Variants in TYR observed in about 807,000 individuals in gnomAD.
The protein encoded by TYR is LB24-AB.
A neutral mutation model predicts 51.5 loss-of-function variants in TYR; 58 were observed. The ratio of observed to expected loss-of-function variants is 1.13; its 90% CI spans 0.91 to 1.40. The LOEUF (loss-of-function observed/expected upper bound fraction) is 1.40, where lower values mean the gene tolerates loss of function less well. TYR is among the 40% of genes most tolerant of loss of function. The probability of loss-of-function intolerance (pLI) is 0.00; values close to 1 mark genes in which losing one functional copy is unlikely to be tolerated. For synonymous variants in TYR, 263 were observed against 235.2 expected (o/e 1.12, Z -1.08); for missense variants, 732 against 647.4 (o/e 1.13, Z -1.42).
intron 4 of TYR, among the ~76,000 whole-genome samples, chr11:89,289,292 A>G (rs925514187): frequency 2.6e-5 from 4 of 152,040 alleles, no homozygotes; most frequent in Admixed American, 2.0e-4. Flanking sequence ...CATTCTGCCA[A>G]TGGAATTTGA....
At chr11:89,207,350 C>T (rs1943685529) in intron 2 of TYR, among the ~76,000 whole-genome samples, 1 of 152,080 alleles carries the variant, frequency 6.6e-6, no homozygotes, top group African/African-American at 2.4e-5. Context: ...ACTCTATGTA[C>T]ATAACATTTG....
rs141138042 is a variant in TYR at position 89,216,131 on chromosome 11, T to C, written c.1037-11692T>C. On this transcript the variant is annotated intron_variant, in intron 2 of 4. Coordinates refer to ENST00000263321, the MANE Select transcript of TYR (RefSeq NM_000372.5). The stretch of plus-strand genomic sequence containing the variant: ...TACCAATAGAAGGTGTGAAAGCTTA[T>C]GAACCTGGTGAAAGCTTATGAACCT... 4.0e-3 allele frequency among the ~76,000 whole-genome samples: 602 copies of C among 152,294 alleles called. 5 individuals carry two copies. The highest frequency in any genetic ancestry group is 0.014 in the African/African-American group (575 of 41,572).
rs931155503 is a variant in TYR, at chr11:89,225,704, A to C, written c.1037-2119A>C. Among the ~76,000 whole-genome samples the C allele has an allele frequency of 2.6e-5, 4 of 151,952 alleles. No homozygotes were observed. The East Asian group carries it at 7.8e-4, about 29-fold the overall frequency. ...AGTAATATTATATGTTCATTTTTAA[A>C]TTGACACTATTTGCAATATCCTTTT... is the stretch of plus-strand genomic sequence containing the variant. On this transcript the variant is annotated intron_variant, in intron 2 of 4. Coordinates refer to ENST00000263321, the MANE Select transcript of TYR (RefSeq NM_000372.5).
chr11:89,256,504 T>C (rs901867278), intron 3 of TYR, among the ~76,000 whole-genome samples: 27 of 151,948 alleles, frequency 1.8e-4, no homozygotes, highest in South Asian at 6.2e-4. Flanking sequence ...TGTGTTCATG[T>C]TTCATATTAG....
intron 2 of TYR, among the ~76,000 whole-genome samples, chr11:89,192,316 CA>C (rs200477584): frequency 3.2e-4 from 48 of 150,888 alleles, no homozygotes; most frequent in East Asian, 1.2e-3. Flanking sequence ...CAAAAACAAA[CA>C]AAAAAAAACT....
At chr11:89,206,218 T>C (rs1490989858) in intron 2 of TYR, among the ~76,000 whole-genome samples, 1 of 152,114 alleles carries the variant, frequency 6.6e-6, no homozygotes, top group Non-Finnish European at 1.5e-5. Flanking sequence ...ATTGGGAGAC[T>C]AGATTTTATT....
chr11:89,231,064 G>A (rs925139395), intron 3 of TYR, among the ~76,000 whole-genome samples: 9 of 151,252 alleles, frequency 6.0e-5, no homozygotes, highest in African/African-American at 2.0e-4. Context: ...CCAGCTACTC[G>A]GGAGGCTGAG....
chr11:89,220,261 G>A (rs2135276261), intron 2 of TYR, among the ~76,000 whole-genome samples: 1 of 152,288 alleles, frequency 6.6e-6, no homozygotes, highest in South Asian at 2.1e-4. Flanking sequence ...AAGGCAGAGA[G>A]CACGCACATT....
At chr11:89,256,155 G>A (rs1367676390) in intron 3 of TYR, among the ~76,000 whole-genome samples, 2 of 151,664 alleles carry the variant, frequency 1.3e-5, no homozygotes, top group African/African-American at 4.8e-5. Context: ...TAAAACTGAA[G>A]AATATAATTT....
chr11:89,281,366 C>A (rs1944720151), intron 3 of TYR, among the ~76,000 whole-genome samples: 1 of 151,696 alleles, frequency 6.6e-6, no homozygotes, highest in Admixed American at 6.6e-5. Context: ...CTCCTCCTCC[C>A]TGTAACAGAG....
At chr11:89,260,591 A>G (rs1420159021) in intron 3 of TYR, among the ~76,000 whole-genome samples, 1 of 152,124 alleles carries the variant, frequency 6.6e-6, no homozygotes, top group African/African-American at 2.4e-5. Flanking sequence ...AGGACACTAA[A>G]CAGTGACTCA....
At position 89,177,974 on chromosome 11, in the gene TYR, C is replaced by T. The variant is rs1943245244; in HGVS notation, c.21C>T (p.Tyr7=). The stretch of plus-strand genomic sequence containing the variant: ...GAAGAATGCTCCTGGCTGTTTTGTA[C>T]TGCCTGCTGTGGAGTTTCCAGACCT... MLLAVL[Y]CLLWSFQTSA... is the part of the protein sequence containing the mutation. Residue 7 remains tyrosine (Y), a synonymous_variant, in exon 1 of 5, where the codon TAC becomes TAT. Coordinates refer to ENST00000263321, the MANE Select transcript of TYR (RefSeq NM_000372.5). The T allele has an allele frequency of 1.9e-6, 3 of 1,614,198 alleles. No homozygotes were observed. Among genetic ancestry groups the T allele is most frequent in the East Asian group, 2.2e-5 (1 of 44,868 alleles).
intron 3 of TYR, chr11:89,283,727 T>C (rs1407543268): frequency 6.6e-6 from 1 of 151,832 alleles, no homozygotes; most frequent in Non-Finnish European, 1.5e-5. Flanking sequence ...CCATTCTCTT[T>C]GTCATATTGT....
At chr11:89,203,548 C>G (rs1943627989) in intron 2 of TYR, among the ~76,000 whole-genome samples, 1 of 152,078 alleles carries the variant, frequency 6.6e-6, no homozygotes, top group Non-Finnish European at 1.5e-5. Context: ...CTCTATTAGT[C>G]CCTCTAAATA....
intron 3 of TYR, among the ~76,000 whole-genome samples, chr11:89,260,049 T>C (rs896237988): frequency 6.6e-6 from 1 of 152,080 alleles, no homozygotes; most frequent in African/African-American, 2.4e-5. Flanking sequence ...AGTTATTCAC[T>C]TGTAGATATT....
intron 4 of TYR, among the ~76,000 whole-genome samples, chr11:89,287,410 T>C (rs1246352270): frequency 6.6e-6 from 1 of 151,960 alleles, no homozygotes; most frequent in Non-Finnish European, 1.5e-5. Context: ...ACTGAGTTGT[T>C]TATTCTTTAC....
At chr11:89,236,506 A>T (rs1160428974) in intron 3 of TYR, among the ~76,000 whole-genome samples, 2 of 152,192 alleles carry the variant, frequency 1.3e-5, no homozygotes, top group Admixed American at 1.3e-4. Flanking sequence ...TTAAGCAAAG[A>T]TCAAGGTAAT....
chr11:89,209,949 A>C (rs1943730074), intron 2 of TYR, among the ~76,000 whole-genome samples: 1 of 152,202 alleles, frequency 6.6e-6, no homozygotes, highest in South Asian at 2.1e-4. Flanking sequence ...TCCAAAGCAA[A>C]ACCCCATTTT....
rs563119570 is a variant in TYR at position 89,295,333 on chromosome 11, G to A, written c.1557G>A (p.Glu519=). The part of the protein sequence containing the change: ...EEKQPLLMEK[E]DYHSLYQSHL ...AGCAGCCACTCCTCATGGAGAAAGA[G>A]GATTACCACAGCTTGTATCAGAGCC... Residue 519 remains glutamate, a synonymous_variant, in exon 5 of 5, where the codon GAG becomes GAA. Transcript: ENST00000263321. The A allele has an allele frequency of 6.2e-7, 1 of 1,613,202 alleles. No homozygotes were observed. Among genetic ancestry groups the A allele is most frequent in the East Asian group, 2.2e-5 (1 of 44,854 alleles).
Sources: allele counts gnomAD v4.1 joint callset (sites outside exome capture counted in the v4.1 genomes callset), GRCh38; gene constraint gnomAD v4.1.1; transcripts MANE v1.5; gene names NCBI Gene and HGNC (gene_info 2026-07-23, HGNC 2026-07-21).